The following MRRF variants were observed in gnomAD, a reference collection of about 807,000 sequenced individuals.
MRRF encodes the protein mitochondrial ribosome recycling factor, also known as ribosome-recycling factor, mitochondrial.
Under a neutral mutation model 25.1 loss-of-function variants are expected in MRRF, and 18 were observed. That is an observed-to-expected ratio of 0.72 (90% CI 0.50 to 1.06). The LOEUF (loss-of-function observed/expected upper bound fraction) is 1.06, where lower values mean the gene tolerates loss of function less well. Among genes scored for constraint, MRRF ranks in the 50% least tolerant of loss-of-function variants. The probability of loss-of-function intolerance (pLI) is 0.00; values close to 1 mark genes in which losing one functional copy is unlikely to be tolerated. For missense variants in MRRF, 323 were observed against 319.3 expected, an observed-to-expected ratio of 1.01 and a Z score of -0.09; for synonymous variants, 113 against 112.1, an observed-to-expected ratio of 1.01 and a Z score of -0.05.
At chr9:122,267,991 C>G (rs921289089) in intron 1 of MRRF, among the ~76,000 whole-genome samples, 10 of 152,196 alleles carry the variant, frequency 6.6e-5, no homozygotes, top group Admixed American at 2.0e-4. Flanking sequence ...AGCTCAGACA[C>G]TTCCCCACAT....
At chr9:122,275,577 T>C (rs1588011678) in intron 2 of MRRF, among the ~76,000 whole-genome samples, 1 of 152,128 alleles carries the variant, frequency 6.6e-6, no homozygotes, top group African/African-American at 2.4e-5. Flanking sequence ...TTGAGGCCTG[T>C]AGTGAGCTGA....
intron 4 of MRRF, among the ~76,000 whole-genome samples, chr9:122,289,151 A>G (rs1833592412): frequency 6.6e-6 from 1 of 152,206 alleles, no homozygotes; most frequent in East Asian, 1.9e-4. Context: ...TTTCTTTGTA[A>G]AATGAAACTT....
In MRRF at chr9:122,324,486, TTGTC is replaced by T. The variant is rs1044783566; in HGVS notation, c.*1870_*1873del. 3 of 152,212 alleles carry T rather than the reference TTGTC, an allele frequency of 2.0e-5. No homozygotes were observed. The highest frequency in any genetic ancestry group is 7.2e-5 in the African/African-American group (3 of 41,446). 9.4% of individuals were successfully genotyped at this position (152,212 alleles called of 1,614,324 possible). A position where few individuals can be genotyped will look rare whatever the true frequency, so the allele number is the denominator to read the frequency against. On this transcript the variant is annotated 3_prime_UTR_variant, in exon 7 of 7. Coordinates refer to ENST00000344641, the MANE Select transcript of MRRF (RefSeq NM_138777.5). The stretch of plus-strand genomic sequence containing the variant: ...TTAGCATTTAGTGAGCACCAATTGT[TTGTC>T]AGGTGCTGAACTATGTACTGGCAAT...
chr9:122,312,118 A>G (rs141606090), intron 5 of MRRF, among the ~76,000 whole-genome samples: 32 of 152,316 alleles, frequency 2.1e-4, no homozygotes, highest in Admixed American at 7.2e-4. Context: ...TGCATAATTT[A>G]CTTGAAATAG....
intron 2 of MRRF, among the ~76,000 whole-genome samples, chr9:122,272,538 A>G (rs1458342670): frequency 6.6e-6 from 1 of 151,396 alleles, no homozygotes; most frequent in African/African-American, 2.4e-5. Flanking sequence ...GGTGGCCTGT[A>G]CCTGTAATCC....
intron 5 of MRRF, among the ~76,000 whole-genome samples, chr9:122,294,001 C>T (rs1833934840): frequency 1.3e-5 from 2 of 151,794 alleles, no homozygotes; most frequent in Admixed American, 1.3e-4. Context: ...CTGGAAAGTG[C>T]TAAATGTACA....
At chr9:122,286,863 G>A (rs1418226041) in intron 4 of MRRF, among the ~76,000 whole-genome samples, 1 of 152,104 alleles carries the variant, frequency 6.6e-6, no homozygotes, top group Non-Finnish European at 1.5e-5. Flanking sequence ...TCTTCATTAT[G>A]GCCTAGATGG....
At chr9:122,278,178 A>G (rs1588017121) in intron 2 of MRRF, among the ~76,000 whole-genome samples, 1 of 151,496 alleles carries the variant, frequency 6.6e-6, no homozygotes, top group East Asian at 1.9e-4. Context: ...TGGAAGATAT[A>G]CTTTTAATTT....
chr9:122,272,387 C>T (rs1030465182), intron 2 of MRRF, among the ~76,000 whole-genome samples: 5 of 152,092 alleles, frequency 3.3e-5, no homozygotes, highest in Admixed American at 6.5e-5. Context: ...TTGGTTTAGC[C>T]GAGTGCTGTG....
chr9:122,282,046 G>A (rs1486629387), intron 3 of MRRF, among the ~76,000 whole-genome samples: 1 of 152,118 alleles, frequency 6.6e-6, no homozygotes, highest in Non-Finnish European at 1.5e-5. Context: ...CCTCCTGTTG[G>A]TATTTCCTCT....
rs571704041 is a variant in MRRF, at chr9:122,287,661, A to G, written c.459+2374A>G. ...TTATGAAGCAGGAGGAGATATTAACAGCTTAATTTTTTCTTAGGAAGTTGG... is the reference window on the plus strand; with the variant it reads ...TTATGAAGCAGGAGGAGATATTAACGGCTTAATTTTTTCTTAGGAAGTTGG... On this transcript the variant is annotated intron_variant, in intron 4 of 6. Coordinates refer to ENST00000344641, the MANE Select transcript of MRRF (RefSeq NM_138777.5). Among the ~76,000 whole-genome samples the G allele has an allele frequency of 1.2e-3, 178 of 152,356 alleles. 1 individual carries two copies. The highest frequency in any genetic ancestry group is 3.4e-3 in the Middle Eastern group (1 of 294).
chr9:122,265,827 T>A, intron 1 of MRRF: 2 of 1,119,012 alleles, frequency 1.8e-6, no homozygotes, highest in Non-Finnish European at 2.4e-6. Context: ...GCAAAAGCCC[T>A]TTCTCTACCT....
chr9:122,315,259 C>T (rs1489933889), intron 6 of MRRF, among the ~76,000 whole-genome samples: 6 of 152,124 alleles, frequency 3.9e-5, no homozygotes, highest in Non-Finnish European at 7.4e-5. Flanking sequence ...TCAAGCAGTC[C>T]TCCTGTAGCT....
At chr9:122,298,234 T>C (rs1834217748) in intron 5 of MRRF, among the ~76,000 whole-genome samples, 1 of 152,194 alleles carries the variant, frequency 6.6e-6, no homozygotes, top group South Asian at 2.1e-4. Flanking sequence ...GCAATTGGCA[T>C]TTTTAAGTTT....
chr9:122,321,704 A>G (rs574916181), intron 6 of MRRF, among the ~76,000 whole-genome samples: 15 of 149,982 alleles, frequency 1.0e-4, no homozygotes, highest in African/African-American at 3.2e-4. Context: ...TTTGATGTCT[A>G]TTTTCCATGT....
At chr9:122,288,427 A>C (rs1221412707) in intron 4 of MRRF, among the ~76,000 whole-genome samples, 2 of 152,202 alleles carry the variant, frequency 1.3e-5, no homozygotes, top group African/African-American at 4.8e-5. Context: ...TAGATGAGGA[A>C]ACTGAGACTC....
At chr9:122,311,903 T>C (rs1420726646) in intron 5 of MRRF, among the ~76,000 whole-genome samples, 1 of 152,244 alleles carries the variant, frequency 6.6e-6, no homozygotes, top group Non-Finnish European at 1.5e-5. Flanking sequence ...TCCTTCCTTA[T>C]ACTGACATAT....
chr9:122,293,196 A>T (rs1833884535), intron 5 of MRRF, among the ~76,000 whole-genome samples: 2 of 152,186 alleles, frequency 1.3e-5, no homozygotes, highest in Non-Finnish European at 2.9e-5. Flanking sequence ...ACAAAGACCT[A>T]ATGAACAAAG....
chr9:122,280,489 C>G lies in MRRF; in HGVS notation c.231C>G (p.Ala77=). The G allele has an allele frequency of 6.2e-7, 1 of 1,614,006 alleles. No individual in the cohort carries two copies. The part of the protein sequence containing the change: ...QSQTRVNINA[A]LVEDIINLEE... ...AAACCAGAGTGAATATTAATGCTGC[C>G]TTGGTTGAGGATATAATCAACTTGG... Residue 77 remains alanine, a synonymous_variant, in exon 3 of 7, where the codon GCC becomes GCG. Coordinates refer to ENST00000344641, the MANE Select transcript of MRRF (RefSeq NM_138777.5).
Sources: gnomAD v4.1 joint callset for allele counts (sites outside exome capture counted in the v4.1 genomes callset) on GRCh38, gnomAD v4.1.1 for gene constraint, MANE v1.5 for transcripts, NCBI Gene and HGNC (gene_info 2026-07-23, HGNC 2026-07-21) for gene names.